The following PSIP1 variants were observed in gnomAD, a reference collection of about 807,000 sequenced individuals.
The protein encoded by PSIP1 is PC4 and SRSF1 interacting protein 1, also known as PC4 and SFRS1-interacting protein.
In PSIP1, 19 loss-of-function variants were observed where a neutral mutation model predicts 74.7. That is an observed-to-expected ratio of 0.25 (90% CI 0.18 to 0.37). The LOEUF (loss-of-function observed/expected upper bound fraction) is 0.37, where lower values mean the gene tolerates loss of function less well. PSIP1 is among the 10% of genes least tolerant of loss of function. The pLI, the probability that PSIP1 is intolerant of heterozygous loss-of-function variation, is 1.00. For synonymous variants in PSIP1, 222 were observed against 195.3 expected (o/e 1.14, Z -1.14); for missense variants, 601 against 614.3 (o/e 0.98, Z 0.23).
chr9:15,485,149 T>A (rs1252292427), intron 6 of PSIP1, among the ~76,000 whole-genome samples: 2 of 152,198 alleles, frequency 1.3e-5, no homozygotes, highest in Non-Finnish European at 2.9e-5. Context: ...TTCCCATCAC[T>A]TCTGTAAGTT....
chr9:15,467,128 G>A (rs909324), intron 14 of PSIP1, among the ~76,000 whole-genome samples: 1 of 152,162 alleles, frequency 6.6e-6, no homozygotes, highest in Non-Finnish European at 1.5e-5. Flanking sequence ...TATGAGTACA[G>A]GAAGTGGATT....
chr9:15,509,200 T>C (rs62571015), intron 2 of PSIP1, among the ~76,000 whole-genome samples: 6,197 of 152,292 alleles, frequency 0.041, 147 homozygotes, highest in South Asian at 0.067. Context: ...CGAAAATAAA[T>C]GGCTTGGAAA....
At chr9:15,490,247 T>G (rs975217805) in intron 3 of PSIP1, 123 bp from the exon 4 acceptor site, 29 of 885,562 alleles carry the variant, frequency 3.3e-5, no homozygotes, top group Non-Finnish European at 4.3e-5. Flanking sequence ...AAATCTTAAA[T>G]AAGTTAAAGG....
In PSIP1 at chr9:15,510,291, G is replaced by C; in HGVS notation, c.-103C>G. The C allele has an allele frequency of 2.2e-6, 2 of 928,828 alleles. No homozygotes were observed. Among genetic ancestry groups the C allele is most frequent in the Non-Finnish European group, 3.1e-6 (2 of 645,282 alleles). 57.5% of individuals were successfully genotyped at this position (928,828 alleles called of 1,614,324 possible). On this transcript the variant is annotated 5_prime_UTR_variant, in exon 2 of 16. Transcript: ENST00000380733. Reference sequence around the variant, plus strand: ...ACGCGGGCCCAGCTACCGGGCCCGCGGGCGGGGGAGGATGCCTCGGGGCGT... The same window carrying C: ...ACGCGGGCCCAGCTACCGGGCCCGCCGGCGGGGGAGGATGCCTCGGGGCGT...
rs528487431 is a variant in PSIP1 at position 15,464,698 on chromosome 9, AAACTT to A, written c.*817_*821del. ...ATTTTTAACAACATTCCTCAAAAAT[AAACTT>A]ACTTAGTTTTCAGTTTTAGTTACTA... On this transcript the variant is annotated 3_prime_UTR_variant, in exon 16 of 16. Transcript: ENST00000380733. The A allele has an allele frequency of 3.3e-4, 66 of 199,272 alleles. 1 individual carries two copies. Among genetic ancestry groups the A allele is most frequent in the African/African-American group, 1.4e-3 (63 of 43,566 alleles). 12.3% of individuals were successfully genotyped at this position (199,272 alleles called of 1,614,324 possible).
intron 2 of PSIP1, among the ~76,000 whole-genome samples, chr9:15,509,344 C>T (rs1340041875): frequency 6.6e-6 from 1 of 152,112 alleles, no homozygotes; most frequent in Admixed American, 6.6e-5. Flanking sequence ...ACAAAAAGAA[C>T]CCTTTTTCTA....
intron 3 of PSIP1, among the ~76,000 whole-genome samples, chr9:15,498,703 A>G (rs1386922413): frequency 5.3e-5 from 8 of 152,192 alleles, no homozygotes; most frequent in Non-Finnish European, 1.2e-4. Flanking sequence ...AATGCAGGAT[A>G]TAATTATACA....
Position 15,497,325 on chromosome 9 carries a change from C to CTTTTTTTTTTTTTTTTT in PSIP1, c.150-7202_150-7201insAAAAAAAAAAAAAAAAA, listed in dbSNP as rs767922897. On this transcript the variant is annotated intron_variant, in intron 3 of 15. Transcript: ENST00000380733. ...CTGAAGACCACACGTTCTATGATTC[C>CTTTTTTTTTTTTTTTTT]TTTTTTTTTTTTTTTTGAGACAGAG... 9.0e-4 allele frequency among the ~76,000 whole-genome samples: 107 copies of CTTTTTTTTTTTTTTTTT among 118,532 alleles called. 9 individuals carry two copies. Among genetic ancestry groups the CTTTTTTTTTTTTTTTTT allele is most frequent in the Middle Eastern group, 4.6e-3 (1 of 218 alleles). 77.8% of individuals were successfully genotyped at this position (118,532 alleles called of 152,430 possible).
rs1168285096 is a variant in PSIP1 at position 15,470,945 on chromosome 9, A to AC, written c.978-953_978-952insG. The AC allele has an allele frequency of 4.8e-5, 55 of 1,148,412 alleles. No individual in the cohort carries two copies. The African/African-American group carries it at 7.5e-4, about 16-fold the overall frequency. The allele number at this position is 1,148,412 out of a possible 1,614,324, so 71.1% of individuals were successfully genotyped here. ...ATTTTAAGCTTGGTTAAAAAAAAAA[A>AC]AAAAAAAAAAAAACAGGAATGATGG... On this transcript the variant is annotated intron_variant, in intron 10 of 15. Transcript: ENST00000380733.
chr9:15,482,410 A>G (rs977419304), intron 6 of PSIP1, among the ~76,000 whole-genome samples: 7 of 152,100 alleles, frequency 4.6e-5, no homozygotes, highest in African/African-American at 9.7e-5. Context: ...TACTCAATCT[A>G]TTCTTCCCGA....
chr9:15,497,485 C>T (rs749510896), intron 3 of PSIP1, among the ~76,000 whole-genome samples: 23 of 151,990 alleles, frequency 1.5e-4, no homozygotes, highest in Non-Finnish European at 3.4e-4. Context: ...TGCAACCACG[C>T]CTGGCTACTT....
At chr9:15,494,844 GAAAAATTAA>G (rs756880585) in intron 3 of PSIP1, among the ~76,000 whole-genome samples, 6 of 152,024 alleles carry the variant, frequency 3.9e-5, no homozygotes, top group Admixed American at 6.6e-5. Context: ...TCTCAAATTA[GAAAAATTAA>G]CACATTTAGC....
chr9:15,475,620 A>C (rs1044400104), intron 8 of PSIP1, among the ~76,000 whole-genome samples: 3 of 152,236 alleles, frequency 2.0e-5, no homozygotes, highest in Non-Finnish European at 4.4e-5. Flanking sequence ...TAAAACATAC[A>C]GTGGGATACC....
chr9:15,489,644 A>C (rs1026663996), intron 4 of PSIP1, among the ~76,000 whole-genome samples: 1 of 151,534 alleles, frequency 6.6e-6, no homozygotes, highest in African/African-American at 2.4e-5. Context: ...TTAATTAATT[A>C]ATTAAAGAGA....
intron 3 of PSIP1, among the ~76,000 whole-genome samples, chr9:15,495,793 C>T (rs2037046530): frequency 6.6e-6 from 1 of 152,200 alleles, no homozygotes; most frequent in African/African-American, 2.4e-5. Context: ...TCCATTACAA[C>T]TACCTTTTTC....
Position 15,469,017 on chromosome 9 carries a change from T to G in PSIP1, c.1146A>C (p.Ser382=), listed in dbSNP as rs138239874. The change falls in exon 13 of 16, where the codon TCA becomes TCC. Residue 382 remains serine (S), a synonymous_variant. Transcript: ENST00000380733. The part of the protein sequence containing the change: ...RCIEALDELA[S]LQVTMQQAQK... ...GAGCTTGTTGCATTGTGACCTGAAG[T>G]GAAGCAAGTTCATCCAAGGCCTCAA... 487 of 1,613,878 alleles carry G rather than the reference T, an allele frequency of 3.0e-4. No individual in the cohort carries two copies. Among genetic ancestry groups the G allele is most frequent in the Non-Finnish European group, 4.0e-4 (470 of 1,179,972 alleles).
intron 3 of PSIP1, among the ~76,000 whole-genome samples, chr9:15,493,032 G>A (rs974328140): frequency 3.3e-5 from 5 of 152,212 alleles, no homozygotes; most frequent in Admixed American, 2.0e-4. Context: ...ATGCCTTGGA[G>A]GTGTTTTCCC....
intron 8 of PSIP1, among the ~76,000 whole-genome samples, chr9:15,474,585 CTTAAGCATATGATAAATATATAGCCAA>C (rs924628221): frequency 2.6e-5 from 4 of 152,152 alleles, no homozygotes; most frequent in African/African-American, 9.6e-5. Flanking sequence ...AAGGTCCCAA[CTTAAGCATATGATAAATATATAGCCAA>C]TTAAGCATGT....
At chr9:15,480,176 C>G (rs78248145) in intron 6 of PSIP1, among the ~76,000 whole-genome samples, 6,586 of 152,266 alleles carry the variant, frequency 0.043, 479 homozygotes, top group African/African-American at 0.15. Flanking sequence ...TAGTATGATT[C>G]TCCTGGAGAG....
Sources: allele counts gnomAD v4.1 joint callset (sites outside exome capture counted in the v4.1 genomes callset), GRCh38; gene constraint gnomAD v4.1.1; transcripts MANE v1.5; gene names NCBI Gene and HGNC (gene_info 2026-07-23, HGNC 2026-07-21).